LRCH3: variants seen among roughly 807,000 people sequenced by gnomAD.
The protein encoded by LRCH3 is DISP complex protein LRCH3.
In LRCH3, 68 loss-of-function variants were observed where a neutral mutation model predicts 104.5. The observed-to-expected ratio is 0.65, with a 90% CI of 0.54 to 0.80. The LOEUF is 0.80. LRCH3 is among the 30% of genes least tolerant of loss of function. The pLI, the probability that LRCH3 is intolerant of heterozygous loss-of-function variation, is 0.00. For synonymous variants in LRCH3, 344 were observed against 361.3 expected (o/e 0.95, Z 0.54); for missense variants, 951 against 953.9 (o/e 1.00, Z 0.04).
chr3:197,883,712 G>A lies in LRCH3; in HGVS notation c.*46G>A, dbSNP rs984192087. The A allele has an allele frequency of 1.3e-6, 2 of 1,506,468 alleles. No homozygotes were observed. Among genetic ancestry groups the A allele is most frequent in the East Asian group, 2.5e-5 (1 of 40,324 alleles). 93.3% of individuals were successfully genotyped at this position (1,506,468 alleles called of 1,614,324 possible). A position where few individuals can be genotyped will look rare whatever the true frequency, so the allele number is the denominator to read the frequency against. On this transcript the variant is annotated 3_prime_UTR_variant, in exon 21 of 21. Transcript: ENST00000425562. This position sits in a 1 kb window ranked among gnomAD's most constrained non-coding sequence, Gnocchi z 4.2. The stretch of plus-strand genomic sequence containing the variant: ...ACTGGCCTGGCCAAAACAAGGAACA[G>A]GACACCGTGATTGCTGCTGCCAGCT...
rs1172571118 is a variant in LRCH3, at chr3:197,870,245, A to G, written c.1959A>G (p.Glu653=). ...CAGGACAGAATTCAAGACAGAGAGA[A>G]GAAGAGCTGGAATTAATAGACCAAC... The part of the protein sequence containing the change: ...SITGQNSRQR[E]EELELIDQLR... Residue 653 remains glutamate (E), a synonymous_variant, in exon 18 of 21, where the codon GAA becomes GAG. Transcript: ENST00000425562. The G allele has an allele frequency of 6.2e-7, 1 of 1,613,404 alleles. No homozygotes were observed. The highest frequency in any genetic ancestry group is 8.5e-7 in the Non-Finnish European group (1 of 1,179,434).
At chr3:197,872,825 A>C (rs1355890266) in intron 19 of LRCH3, among the ~76,000 whole-genome samples, 1 of 152,204 alleles carries the variant, frequency 6.6e-6, no homozygotes, top group Non-Finnish European at 1.5e-5. Flanking sequence ...ACTGCACTCC[A>C]GCCTGGGCAA....
chr3:197,851,710 G>A (rs1231237658), intron 12 of LRCH3, among the ~76,000 whole-genome samples: 1 of 152,122 alleles, frequency 6.6e-6, no homozygotes, highest in African/African-American at 2.4e-5. Flanking sequence ...TACTAGTATG[G>A]TAGATGCTAT....
In LRCH3 at chr3:197,820,438, A is replaced by G; in HGVS notation, c.640+8A>G. ...TAGTACATTTGCCTGAAGGTAAGAA[A>G]CTATGAAATAAGAAACCATGAAATA... On this transcript the variant is annotated splice_region_variant and intron_variant, in intron 4 of 20. Coordinates refer to ENST00000425562, the MANE Select transcript of LRCH3 (RefSeq NM_001365715.1). 1 of 1,461,086 alleles carries G rather than the reference A, an allele frequency of 6.8e-7. No individual in the cohort carries two copies. Among genetic ancestry groups the G allele is most frequent in the Non-Finnish European group, 9.5e-7 (1 of 1,047,720 alleles). 90.5% of individuals were successfully genotyped at this position (1,461,086 alleles called of 1,614,324 possible). A position where few individuals can be genotyped will look rare whatever the true frequency, so the allele number is the denominator to read the frequency against.
rs759857047 is a variant in LRCH3, at chr3:197,880,763, G to T, written c.2209-2778G>T. The T allele has an allele frequency of 3.3e-6, 5 of 1,534,142 alleles. 1 individual carries two copies. The highest frequency in any genetic ancestry group is 3.3e-4 in the Middle Eastern group (2 of 5,986). On this transcript the variant is annotated intron_variant, in intron 20 of 20. Transcript: ENST00000425562. ...CTGCCTCATTCCTGTGCTTGGTAAA[G>T]GAGGTTTGTTTCTCATCCAGAATTA... is the stretch of plus-strand genomic sequence containing the variant.
Position 197,887,863 on chromosome 3 carries a change from C to G in LRCH3, c.*4197C>G, listed in dbSNP as rs556846868. 27 of 154,388 alleles carry G rather than the reference C, an allele frequency of 1.7e-4. No individual in the cohort carries two copies. Among genetic ancestry groups the G allele is most frequent in the African/African-American group, 6.5e-4 (27 of 41,616 alleles). The allele number at this position is 154,388 out of a possible 1,614,324, so 9.6% of individuals were successfully genotyped here. ...GCCACCCCCAGCAGAGCCCTTGCCA[C>G]GTACAGAGATTTTCTGTCAGCAGTT... On this transcript the variant is annotated 3_prime_UTR_variant, in exon 21 of 21. Coordinates refer to ENST00000425562, the MANE Select transcript of LRCH3 (RefSeq NM_001365715.1).
At chr3:197,820,053 G>T (rs903195472) in intron 3 of LRCH3, among the ~76,000 whole-genome samples, 8 of 152,168 alleles carry the variant, frequency 5.3e-5, no homozygotes, top group African/African-American at 1.9e-4. Context: ...TTTTCTTTTA[G>T]TCATATTGGA....
At chr3:197,820,959 C>T (rs1352970806) in intron 4 of LRCH3, among the ~76,000 whole-genome samples, 1 of 150,172 alleles carries the variant, frequency 6.7e-6, no homozygotes, top group African/African-American at 2.4e-5. Flanking sequence ...TTTTAAAAGC[C>T]TCTTCAATGA....
At chr3:197,876,392 T>G (rs1484794586) in intron 20 of LRCH3, 1 of 152,248 alleles carries the variant, frequency 6.6e-6, no homozygotes, top group Non-Finnish European at 1.5e-5. Context: ...TGTCCTGCTA[T>G]GAGGATTTAT....
chr3:197,805,441 G>C (rs1732369683), intron 1 of LRCH3, among the ~76,000 whole-genome samples: 1 of 152,192 alleles, frequency 6.6e-6, no homozygotes, highest in African/African-American at 2.4e-5. Context: ...TAAAGAGGGG[G>C]ACACGCCTCC....
At chr3:197,850,335 T>G in intron 12 of LRCH3, 2 of 777,320 alleles carry the variant, frequency 2.6e-6, no homozygotes, top group Non-Finnish European at 2.1e-6. Flanking sequence ...CCAACTCTCT[T>G]TAGGTACCAT....
rs756493813 is a variant in LRCH3, at chr3:197,832,247, A to T, written c.1032A>T (p.Lys344Asn). 1 of 1,613,940 alleles carries T rather than the reference A, an allele frequency of 6.2e-7. No individual in the cohort carries two copies. Among genetic ancestry groups the T allele is most frequent in the Non-Finnish European group, 8.5e-7 (1 of 1,179,830 alleles). The change falls in exon 8 of 21, where the codon AAA becomes AAT. Residue 344 changes from lysine to asparagine, a missense_variant. Transcript: ENST00000425562. The part of the protein sequence containing the change: ...DLPLRVAEIT[K>N]EQRLRRESQY... Reference sequence around the variant, plus strand: ...CTCTTCGAGTAGCAGAGATTACTAAAGAACAAAGACTACGAAGAGAAAGCC... The same window carrying T: ...CTCTTCGAGTAGCAGAGATTACTAATGAACAAAGACTACGAAGAGAAAGCC...
intron 20 of LRCH3, among the ~76,000 whole-genome samples, chr3:197,879,465 T>C (rs1421574542): frequency 6.6e-6 from 1 of 150,962 alleles, no homozygotes; most frequent in Non-Finnish European, 1.5e-5. Context: ...GCTAACATGG[T>C]GAAACCCCGT....
At chr3:197,796,333 G>A (rs1433327336) in intron 1 of LRCH3, among the ~76,000 whole-genome samples, 1 of 152,192 alleles carries the variant, frequency 6.6e-6, no homozygotes, top group Non-Finnish European at 1.5e-5. Flanking sequence ...ATTATGCTGG[G>A]TAATGTAGAG....
chr3:197,882,151 G>C, intron 20 of LRCH3: 1 of 985,428 alleles, frequency 1.0e-6, no homozygotes, highest in South Asian at 4.7e-5. Flanking sequence ...AGTCCAGCTG[G>C]GAGGTGAGGG....
chr3:197,834,467 A>G (rs911178043), intron 8 of LRCH3, among the ~76,000 whole-genome samples: 2 of 152,208 alleles, frequency 1.3e-5, no homozygotes, highest in African/African-American at 4.8e-5. Flanking sequence ...ATTGACAACA[A>G]TTACAGGAAG....
chr3:197,864,709 CTTTTTTT>C (rs11367873), intron 15 of LRCH3, among the ~76,000 whole-genome samples: 48 of 132,954 alleles, frequency 3.6e-4, no homozygotes, highest in African/African-American at 1.2e-3. Flanking sequence ...TCTTCTTCTT[CTTTTTTT>C]TTTTTTTTTT....
intron 10 of LRCH3, among the ~76,000 whole-genome samples, chr3:197,846,306 A>C (rs1738679614): frequency 6.8e-6 from 1 of 147,690 alleles, no homozygotes; most frequent in South Asian, 2.2e-4. Flanking sequence ...CGAAAGGCTG[A>C]GGCGATATTA....
intron 9 of LRCH3, 120 bp from the exon 10 acceptor site, chr3:197,839,201 G>C (rs780084655): frequency 1.1e-5 from 7 of 644,040 alleles, no homozygotes; most frequent in Non-Finnish European, 1.6e-5. Flanking sequence ...CATTTGAAGA[G>C]TCTATTAAAA....
Sources: allele counts gnomAD v4.1 joint callset (sites outside exome capture counted in the v4.1 genomes callset), GRCh38; gene constraint gnomAD v4.1.1; non-coding constraint Gnocchi (gnomAD v3.1); transcripts MANE v1.5; gene names NCBI Gene and HGNC (gene_info 2026-07-23, HGNC 2026-07-21).